Variants in DNER observed in about 807,000 individuals in gnomAD.
The protein encoded by DNER is delta and Notch-like epidermal growth factor-related receptor.
Under a neutral mutation model 78.2 loss-of-function variants are expected in DNER, and 33 were observed. The ratio of observed to expected loss-of-function variants is 0.42; its 90% confidence interval spans 0.32 to 0.56. The LOEUF (loss-of-function observed/expected upper bound fraction) is 0.56, where lower values mean the gene tolerates loss of function less well. DNER is among the 20% of genes least tolerant of loss of function. DNER has a pLI of 0.11. For synonymous variants in DNER, 417 were observed against 384.8 expected, an observed-to-expected ratio of 1.08 and a Z score of -0.98; for missense variants, 918 against 975.3, an observed-to-expected ratio of 0.94 and a Z score of 0.78.
chr2:229,447,419 T>C lies in DNER; in HGVS notation c.1383A>G (p.Thr461=), dbSNP rs1694363082. Residue 461 remains threonine, a synonymous_variant, in exon 8 of 13, where the codon ACA becomes ACG. Transcript: ENST00000341772. ...CAATAAGCTGGGCACAGGTCGGCCC[T>C]GTGAAGCCCGGGCTGCAGTTGCAGG... ...HFTCNCSPGF[T]GPTCAQLIDF... 4 of 1,614,010 alleles carry C rather than the reference T, an allele frequency of 2.5e-6. No individual in the cohort carries two copies. The highest frequency in any genetic ancestry group is 2.2e-5 in the East Asian group (1 of 44,874).
chr2:229,575,758 A>G (rs1366079068), intron 4 of DNER, among the ~76,000 whole-genome samples: 2 of 152,238 alleles, frequency 1.3e-5, no homozygotes, highest in African/African-American at 4.8e-5. Context: ...AACAGGTACC[A>G]ATAAGTAAAT....
At chr2:229,460,111 C>G (rs1401043081) in intron 7 of DNER, among the ~76,000 whole-genome samples, 1 of 130,904 alleles carries the variant, frequency 7.6e-6, no homozygotes, top group African/African-American at 2.9e-5. Flanking sequence ...GAGCAGAGAT[C>G]GCGCCACTAC....
At chr2:229,502,918 G>T (rs1435110894) in intron 6 of DNER, among the ~76,000 whole-genome samples, 5 of 152,222 alleles carry the variant, frequency 3.3e-5, no homozygotes, top group Admixed American at 3.3e-4. Context: ...TCCTCTGGCT[G>T]ATCTTGGGGA....
chr2:229,624,026 G>A (rs981781307), intron 1 of DNER, among the ~76,000 whole-genome samples: 4 of 152,200 alleles, frequency 2.6e-5, no homozygotes, highest in Non-Finnish European at 5.9e-5. Flanking sequence ...GACTTTAAAA[G>A]TCTTAAAATC....
chr2:229,394,350 GT>G (rs2106338751), intron 10 of DNER, among the ~76,000 whole-genome samples: 1 of 151,878 alleles, frequency 6.6e-6, no homozygotes, highest in Admixed American at 6.5e-5. Flanking sequence ...CCGCCATCTT[GT>G]TTCCCCACTG....
intron 6 of DNER, 134 bp downstream of exon 6, chr2:229,512,644 AACCTC>A (rs1695887602): frequency 8.2e-7 from 1 of 1,218,440 alleles, no homozygotes; most frequent in South Asian, 1.5e-5. Flanking sequence ...AGTGCACCAA[AACCTC>A]ACAAATCACC....
At chr2:229,671,802 G>T (rs1699214388) in intron 1 of DNER, among the ~76,000 whole-genome samples, 1 of 152,150 alleles carries the variant, frequency 6.6e-6, no homozygotes, top group South Asian at 2.1e-4. Context: ...ATGCTTCATG[G>T]TCTATTATTC....
At chr2:229,441,604 T>C (rs1262446710) in intron 8 of DNER, among the ~76,000 whole-genome samples, 1 of 152,194 alleles carries the variant, frequency 6.6e-6, no homozygotes, top group Non-Finnish European at 1.5e-5. Flanking sequence ...ACCAATGCTG[T>C]ATTTGGTAAA....
chr2:229,619,272 G>A (rs1374773483), intron 1 of DNER, among the ~76,000 whole-genome samples: 2 of 151,998 alleles, frequency 1.3e-5, no homozygotes, highest in African/African-American at 2.4e-5. Flanking sequence ...ATTATGCACT[G>A]TATGCCTGGA....
intron 1 of DNER, among the ~76,000 whole-genome samples, chr2:229,630,796 T>TC (rs1192509702): frequency 6.6e-6 from 1 of 152,076 alleles, no homozygotes; most frequent in Non-Finnish European, 1.5e-5. Flanking sequence ...CCTTCCTGCC[T>TC]CCCCACTCTT....
intron 1 of DNER, among the ~76,000 whole-genome samples, chr2:229,690,043 C>T (rs1383824297): frequency 1.3e-5 from 2 of 152,230 alleles, no homozygotes; most frequent in African/African-American, 4.8e-5. Flanking sequence ...TTCTGTGGGT[C>T]ACTGTAGTCT....
intron 6 of DNER, among the ~76,000 whole-genome samples, chr2:229,487,572 C>T (rs955022763): frequency 6.6e-6 from 1 of 152,202 alleles, no homozygotes; most frequent in Non-Finnish European, 1.5e-5. Context: ...TAAGGTGTTA[C>T]ACCATGAGAC....
intron 6 of DNER, among the ~76,000 whole-genome samples, chr2:229,497,510 G>GT (rs574392490): frequency 6.5e-4 from 99 of 151,630 alleles, no homozygotes; most frequent in Middle Eastern, 3.4e-3. Context: ...CTAATCAGTT[G>GT]TTTTTTTTAA....
chr2:229,566,680 A>G (rs1302186779), intron 4 of DNER, among the ~76,000 whole-genome samples: 1 of 152,122 alleles, frequency 6.6e-6, no homozygotes, highest in Non-Finnish European at 1.5e-5. Flanking sequence ...CCTCTCTCCC[A>G]TCAGGCTCAC....
chr2:229,586,586 A>C (rs1697506872), intron 3 of DNER: 1 of 887,518 alleles, frequency 1.1e-6, no homozygotes, highest in African/African-American at 1.9e-5. Context: ...AGGATGTCAC[A>C]GAAAGCCCAT....
chr2:229,660,371 GTA>G (rs764148239), intron 1 of DNER, among the ~76,000 whole-genome samples: 1 of 152,068 alleles, frequency 6.6e-6, no homozygotes, highest in Non-Finnish European at 1.5e-5. Flanking sequence ...AGAACACGTG[GTA>G]TTTGATTTTC....
intron 4 of DNER, among the ~76,000 whole-genome samples, chr2:229,571,169 G>A (rs1697212428): frequency 6.6e-6 from 1 of 152,064 alleles, no homozygotes; most frequent in Non-Finnish European, 1.5e-5. Flanking sequence ...ATCTGTTGAA[G>A]TTTGAGCCCG....
At chr2:229,665,418 G>C (rs913168285) in intron 1 of DNER, among the ~76,000 whole-genome samples, 1 of 152,050 alleles carries the variant, frequency 6.6e-6, no homozygotes, top group Non-Finnish European at 1.5e-5. Flanking sequence ...ACAGAGAGCC[G>C]AGGAAATGGG....
Position 229,714,530 on chromosome 2 carries a change from C to G in DNER, c.-107G>C, listed in dbSNP as rs1264235569. 4 of 1,043,132 alleles carry G rather than the reference C, an allele frequency of 3.8e-6. No individual in the cohort carries two copies. The African/African-American group carries it at 5.1e-5, about 13-fold the overall frequency. The allele number at this position is 1,043,132 out of a possible 1,614,324, so 64.6% of individuals were successfully genotyped here. On this transcript the variant is annotated 5_prime_UTR_variant, in exon 1 of 13. Coordinates refer to ENST00000341772, the MANE Select transcript of DNER (RefSeq NM_139072.4). ...GCGACGGTGGCGGCTAGGGCTGCTC[C>G]GCCGGGCCGGGCGCCTCCTGCAGCT...
Sources: allele counts gnomAD v4.1 joint callset (sites outside exome capture counted in the v4.1 genomes callset), GRCh38; gene constraint gnomAD v4.1.1; transcripts MANE v1.5; gene names NCBI Gene and HGNC (gene_info 2026-07-23, HGNC 2026-07-21).